Variants in PRMT3 observed in about 807,000 individuals in gnomAD.
PRMT3 encodes the protein protein arginine methyltransferase 3.
PRMT3 carries 62 observed loss-of-function variants against 71.9 expected under a neutral mutation model. The ratio of observed to expected loss-of-function variants is 0.86; its 90% CI spans 0.70 to 1.07. The LOEUF is 1.07. Ranked by LOEUF, PRMT3 falls within the 50% of genes least tolerant of loss-of-function variation. The pLI, the probability that PRMT3 is intolerant of heterozygous loss-of-function variation, is 0.00. For missense variants in PRMT3, 663 were observed against 643.0 expected, an observed-to-expected ratio of 1.03 and a Z score of -0.34; for synonymous variants, 213 against 220.4, an observed-to-expected ratio of 0.97 and a Z score of 0.30.
chr11:20,451,585 A>C (rs932445272), intron 10 of PRMT3, among the ~76,000 whole-genome samples: 2 of 151,880 alleles, frequency 1.3e-5, no homozygotes, highest in Non-Finnish European at 2.9e-5. Flanking sequence ...CCTTAGTGCT[A>C]TTGACATTTT....
At position 20,440,489 on chromosome 11, in the gene PRMT3, C is replaced by CAA. The variant is rs55801324; in HGVS notation, c.994-11621_994-11620dup. ...TGAAACCCCATCTCTACTAAAAATA[C>CAA]AAAAAAAAAAAAAAAAAAAAAGAGA... On this transcript the variant is annotated intron_variant, in intron 10 of 15. Coordinates refer to ENST00000331079, the MANE Select transcript of PRMT3 (RefSeq NM_005788.4). 7.3e-3 allele frequency among the ~76,000 whole-genome samples: 843 copies of CAA among 115,712 alleles called. 17 individuals are homozygous for CAA. Among genetic ancestry groups the CAA allele is most frequent in the East Asian group, 0.069 (268 of 3,878 alleles). 75.9% of individuals were successfully genotyped at this position (115,712 alleles called of 152,430 possible). A position where few individuals can be genotyped will look rare whatever the true frequency, so the allele number is the denominator to read the frequency against.
chr11:20,464,362 G>T, intron 12 of PRMT3, 98 bp from the exon 13 acceptor site: 1 of 1,426,830 alleles, frequency 7.0e-7, no homozygotes, highest in Non-Finnish European at 9.2e-7. Context: ...GTGCATAAAA[G>T]AAGTAATGTT....
At chr11:20,437,659 G>A (rs532552127) in intron 10 of PRMT3, among the ~76,000 whole-genome samples, 13 of 151,934 alleles carry the variant, frequency 8.6e-5, no homozygotes, top group African/African-American at 1.9e-4. Context: ...GTGCGATCTC[G>A]GCTCAATGCA....
At chr11:20,503,540 C>T (rs137948431) in intron 15 of PRMT3, among the ~76,000 whole-genome samples, 10 of 152,216 alleles carry the variant, frequency 6.6e-5, no homozygotes, top group Admixed American at 2.0e-4. Flanking sequence ...CCAAGACAGT[C>T]ACTGATATGC....
At chr11:20,471,143 C>T (rs1850635350) in intron 13 of PRMT3, among the ~76,000 whole-genome samples, 1 of 151,866 alleles carries the variant, frequency 6.6e-6, no homozygotes, top group Non-Finnish European at 1.5e-5. Context: ...GGATAGATTG[C>T]AAAAATCTCC....
intron 8 of PRMT3, among the ~76,000 whole-genome samples, chr11:20,403,610 A>G (rs1263660340): frequency 1.4e-5 from 2 of 145,164 alleles, no homozygotes; most frequent in African/African-American, 5.1e-5. Context: ...TTTTTTCTTT[A>G]TTCTCTTTTT....
At chr11:20,413,355 G>T (rs752845478) in intron 9 of PRMT3, among the ~76,000 whole-genome samples, 23 of 152,076 alleles carry the variant, frequency 1.5e-4, no homozygotes, top group Non-Finnish European at 2.5e-4. Context: ...TGAGGAGGCC[G>T]CATAGCATGC....
At chr11:20,472,429 G>A (rs1762597546) in intron 13 of PRMT3, among the ~76,000 whole-genome samples, 1 of 152,086 alleles carries the variant, frequency 6.6e-6, no homozygotes, top group Non-Finnish European at 1.5e-5. Flanking sequence ...TTTACTGAAG[G>A]CCTTTTCTGC....
At chr11:20,437,460 T>A (rs6483685) in intron 10 of PRMT3, among the ~76,000 whole-genome samples, 124,721 of 152,124 alleles carry the variant, frequency 0.82, 53,066 homozygotes, top group Non-Finnish European at 0.95. Context: ...GTGGTGAGTA[T>A]GTTTCCAGAT....
At chr11:20,433,840 G>C (rs1384854894) in intron 10 of PRMT3, among the ~76,000 whole-genome samples, 1 of 152,034 alleles carries the variant, frequency 6.6e-6, no homozygotes, top group Non-Finnish European at 1.5e-5. Context: ...GGCTGGTCTT[G>C]AACTGCTGAC....
At chr11:20,400,816 T>A (rs1429377407) in intron 7 of PRMT3, among the ~76,000 whole-genome samples, 1 of 152,140 alleles carries the variant, frequency 6.6e-6, no homozygotes, top group Non-Finnish European at 1.5e-5. Context: ...AATTTTGTTA[T>A]TTTATTTTTC....
intron 9 of PRMT3, among the ~76,000 whole-genome samples, chr11:20,420,301 A>AT (rs1849397584): frequency 6.6e-6 from 1 of 152,244 alleles, no homozygotes; most frequent in African/African-American, 2.4e-5. Flanking sequence ...TAAAAGTCTG[A>AT]TAAAATTTAG....
intron 10 of PRMT3, among the ~76,000 whole-genome samples, chr11:20,436,909 C>T (rs1849773133): frequency 6.6e-6 from 1 of 152,074 alleles, no homozygotes; most frequent in South Asian, 2.1e-4. Flanking sequence ...GCATCGGGTC[C>T]TGAATTTTTC....
At chr11:20,428,726 T>A (rs1849596621) in intron 10 of PRMT3, among the ~76,000 whole-genome samples, 1 of 152,238 alleles carries the variant, frequency 6.6e-6, no homozygotes, top group South Asian at 2.1e-4. Context: ...GCTCCTATGA[T>A]GGCTAACTTC....
At chr11:20,432,135 G>A (rs556742562) in intron 10 of PRMT3, among the ~76,000 whole-genome samples, 5 of 151,870 alleles carry the variant, frequency 3.3e-5, no homozygotes, top group East Asian at 3.9e-4. Context: ...TTCAATCTTC[G>A]ATAAGTGACA....
chr11:20,416,078 A>T (rs1849298338), intron 9 of PRMT3, among the ~76,000 whole-genome samples: 1 of 152,076 alleles, frequency 6.6e-6, no homozygotes, highest in Admixed American at 6.5e-5. Context: ...GATGTTTCTC[A>T]TGTCTTACTT....
At chr11:20,404,660 G>A (rs1286107374) in intron 8 of PRMT3, among the ~76,000 whole-genome samples, 1 of 152,162 alleles carries the variant, frequency 6.6e-6, no homozygotes, top group Non-Finnish European at 1.5e-5. Flanking sequence ...CTAGTTGGAT[G>A]ATGCCCAGAT....
intron 11 of PRMT3, among the ~76,000 whole-genome samples, chr11:20,458,720 C>T (rs1054576771): frequency 1.8e-4 from 28 of 151,986 alleles, no homozygotes; most frequent in Non-Finnish European, 2.6e-4. Flanking sequence ...TCTTACTAAC[C>T]GAAAGATTAA....
At chr11:20,414,834 GATT>G (rs1849267283) in intron 9 of PRMT3, among the ~76,000 whole-genome samples, 1 of 152,064 alleles carries the variant, frequency 6.6e-6, no homozygotes, top group African/African-American at 2.4e-5. Context: ...AGAATATTTT[GATT>G]TATTGTCATG....
Sources: allele counts gnomAD v4.1 joint callset (sites outside exome capture counted in the v4.1 genomes callset), GRCh38; gene constraint gnomAD v4.1.1; transcripts MANE v1.5; gene names NCBI Gene and HGNC (gene_info 2026-07-23, HGNC 2026-07-21).